NRXN1: variants seen among roughly 807,000 people sequenced by gnomAD.
NRXN1 encodes the protein neurexin 1, also known as neurexin-1.
Under a neutral mutation model 150.9 loss-of-function variants are expected in NRXN1, and 39 were observed. That is an observed-to-expected ratio of 0.26 (90% CI 0.20 to 0.34). The LOEUF is 0.34. Ranked by LOEUF, NRXN1 falls within the 10% of genes least tolerant of loss-of-function variation. The pLI, the probability that NRXN1 is intolerant of heterozygous loss-of-function variation, is 1.00. For missense variants in NRXN1, 1,815 were observed against 1,949.9 expected (o/e 0.93, Z 1.30); for synonymous variants, 924 against 757.0 (o/e 1.22, Z -3.62).
At chr2:50,208,651 C>T (rs1473989585) in intron 18 of NRXN1, among the ~76,000 whole-genome samples, 2 of 152,154 alleles carry the variant, frequency 1.3e-5, no homozygotes, top group Admixed American at 1.3e-4. Flanking sequence ...TTCCCAGAAG[C>T]TCTTAGAAAA....
intron 18 of NRXN1, among the ~76,000 whole-genome samples, chr2:50,227,121 A>G (rs781245381): frequency 6.6e-6 from 1 of 151,528 alleles, no homozygotes; most frequent in Non-Finnish European, 1.5e-5. Context: ...TGTCTGCTTC[A>G]TAAAATTGCC....
intron 5 of NRXN1, among the ~76,000 whole-genome samples, chr2:50,916,335 A>T (rs1008797789): frequency 6.6e-6 from 1 of 151,330 alleles, no homozygotes; most frequent in Non-Finnish European, 1.5e-5. Flanking sequence ...TCTCTGCTCC[A>T]AAATGTTATG....
intron 21 of NRXN1, among the ~76,000 whole-genome samples, chr2:49,996,727 T>G (rs1297430087): frequency 6.6e-6 from 1 of 152,158 alleles, no homozygotes; most frequent in Non-Finnish European, 1.5e-5. Context: ...CAAGGTAACA[T>G]ATTCTCCCCT....
In NRXN1 at chr2:50,238,267, G is replaced by A. The variant is rs536249525; in HGVS notation, c.3365-1297C>T. Among the ~76,000 whole-genome samples the A allele has an allele frequency of 2.6e-4, 40 of 152,052 alleles. 1 individual carries two copies. The highest frequency in any genetic ancestry group is 9.4e-4 in the African/African-American group (39 of 41,526). On this transcript the variant is annotated intron_variant, in intron 17 of 22. Transcript: ENST00000401669. ...AGAAAAAAGATTGGATTTTCCCTCT[G>A]TCTTCTTCTGACTGCTTAAAATGGG...
At chr2:50,335,730 T>A (rs1289682579) in intron 17 of NRXN1, among the ~76,000 whole-genome samples, 1 of 152,212 alleles carries the variant, frequency 6.6e-6, no homozygotes, top group African/African-American at 2.4e-5. Context: ...TAACATCGTG[T>A]TGTCCTCTTT....
At chr2:50,689,690 T>C (rs1344606956) in intron 5 of NRXN1, among the ~76,000 whole-genome samples, 2 of 152,188 alleles carry the variant, frequency 1.3e-5, no homozygotes, top group Non-Finnish European at 2.9e-5. Flanking sequence ...TCTCCAAAAG[T>C]GTCTAGAAGA....
chr2:50,043,465 A>T (rs1691329944), intron 21 of NRXN1, among the ~76,000 whole-genome samples: 1 of 152,204 alleles, frequency 6.6e-6, no homozygotes, highest in African/African-American at 2.4e-5. Flanking sequence ...ATTTGAAAGG[A>T]TATTAATGGG....
intron 5 of NRXN1, among the ~76,000 whole-genome samples, chr2:50,766,252 T>C (rs1702371109): frequency 1.3e-5 from 2 of 152,000 alleles, no homozygotes. Context: ...ATTCTCCCCA[T>C]GATTTATGGT....
intron 19 of NRXN1, among the ~76,000 whole-genome samples, chr2:50,078,730 G>C (rs576224850): frequency 6.6e-6 from 1 of 151,994 alleles, no homozygotes; most frequent in Non-Finnish European, 1.5e-5. Flanking sequence ...ATGGATTTTT[G>C]TTGAGAATAT....
At chr2:50,428,019 C>T (rs941259143) in intron 17 of NRXN1, among the ~76,000 whole-genome samples, 1 of 152,146 alleles carries the variant, frequency 6.6e-6, no homozygotes, top group Non-Finnish European at 1.5e-5. Context: ...TCATTTTCCT[C>T]TTCTTTATAG....
At chr2:50,810,813 C>T (rs897240567) in intron 5 of NRXN1, among the ~76,000 whole-genome samples, 5 of 152,020 alleles carry the variant, frequency 3.3e-5, no homozygotes, top group Non-Finnish European at 4.4e-5. Context: ...AACCCTGTCT[C>T]TACCAAAATA....
At chr2:50,452,663 G>A (rs2087085640) in intron 17 of NRXN1, among the ~76,000 whole-genome samples, 1 of 152,138 alleles carries the variant, frequency 6.6e-6, no homozygotes, top group African/African-American at 2.4e-5. Context: ...ATACAAACAT[G>A]GGGAATGTTT....
chr2:49,941,933 G>A (rs1434841894), intron 22 of NRXN1, among the ~76,000 whole-genome samples: 1 of 152,080 alleles, frequency 6.6e-6, no homozygotes, highest in African/African-American at 2.4e-5. Flanking sequence ...GAAATTTGAG[G>A]GTGGGAAAAT....
At chr2:50,567,394 C>T (rs969504716) in intron 8 of NRXN1, among the ~76,000 whole-genome samples, 1 of 151,920 alleles carries the variant, frequency 6.6e-6, no homozygotes, top group East Asian at 1.9e-4. Context: ...ACTGATGAAG[C>T]CCAAAACAGC....
At position 50,224,126 on chromosome 2, in the gene NRXN1, T is replaced by C. The variant is rs978278260; in HGVS notation, c.3546+12663A>G. ...GGAATTCCATGTTTAAGGAATATCA[T>C]AAAATAATACACTACAAAGACTCAC... is the stretch of plus-strand genomic sequence containing the variant. On this transcript the variant is annotated intron_variant, in intron 18 of 22. Coordinates refer to ENST00000401669, the MANE Select transcript of NRXN1 (RefSeq NM_001330078.2). Among the ~76,000 whole-genome samples the C allele has an allele frequency of 1.5e-4, 23 of 151,970 alleles. 1 individual carries two copies. The highest frequency in any genetic ancestry group is 2.4e-4 in the Non-Finnish European group (16 of 67,952).
chr2:50,188,687 A>G (rs202228792), intron 18 of NRXN1, among the ~76,000 whole-genome samples: 1 of 151,620 alleles, frequency 6.6e-6, no homozygotes, highest in Admixed American at 6.6e-5. Context: ...GAAAAAAAAA[A>G]CATCAAAAAG....
intron 21 of NRXN1, among the ~76,000 whole-genome samples, chr2:50,050,441 T>A (rs1692536571): frequency 6.6e-6 from 1 of 152,022 alleles, no homozygotes; most frequent in South Asian, 2.1e-4. Context: ...AGTGGCTCAG[T>A]GTTATCACTG....
chr2:50,645,734 T>C (rs1026342781), intron 5 of NRXN1, among the ~76,000 whole-genome samples: 1 of 151,926 alleles, frequency 6.6e-6, no homozygotes, highest in Non-Finnish European at 1.5e-5. Context: ...AAATTTTATA[T>C]TATTATTATC....
At chr2:50,457,549 C>T (rs2087697039) in intron 17 of NRXN1, among the ~76,000 whole-genome samples, 3 of 152,144 alleles carry the variant, frequency 2.0e-5, no homozygotes, top group South Asian at 4.2e-4. Flanking sequence ...AAAATATTTG[C>T]AGACTATTAA....
Sources: allele counts gnomAD v4.1 joint callset (sites outside exome capture counted in the v4.1 genomes callset), GRCh38; gene constraint gnomAD v4.1.1; transcripts MANE v1.5; gene names NCBI Gene and HGNC (gene_info 2026-07-23, HGNC 2026-07-21).